EGFLAM: variants seen among roughly 807,000 people sequenced by gnomAD.
EGFLAM encodes EGF like, fibronectin type III and laminin G domains.
A neutral mutation model predicts 113.1 loss-of-function variants in EGFLAM; 79 were observed. The observed-to-expected ratio is 0.70, with a 90% CI of 0.58 to 0.84. The LOEUF is 0.84. Ranked by LOEUF, EGFLAM falls within the 40% of genes least tolerant of loss-of-function variation. The pLI, the probability that EGFLAM is intolerant of heterozygous loss-of-function variation, is 0.00. For missense variants in EGFLAM, 1,265 were observed against 1,291.6 expected, an observed-to-expected ratio of 0.98 and a Z score of 0.32; for synonymous variants, 504 against 487.6, an observed-to-expected ratio of 1.03 and a Z score of -0.44.
chr5:38,271,266 A>G (rs1469814014), intron 1 of EGFLAM, among the ~76,000 whole-genome samples: 1 of 152,166 alleles, frequency 6.6e-6, no homozygotes, highest in Non-Finnish European at 1.5e-5. Context: ...TTCTTTAGCT[A>G]CTTTTTTACT....
At chr5:38,376,619 T>C (rs1466777899) in intron 6 of EGFLAM, among the ~76,000 whole-genome samples, 1 of 152,196 alleles carries the variant, frequency 6.6e-6, no homozygotes, top group Non-Finnish European at 1.5e-5. Flanking sequence ...CTCAGATCTT[T>C]CTATGATCAT....
chr5:38,340,030 A>T (rs1316001247), intron 3 of EGFLAM, among the ~76,000 whole-genome samples: 33 of 152,168 alleles, frequency 2.2e-4, no homozygotes. Context: ...GGTGTCCTGC[A>T]GGGCTCACTG....
chr5:38,307,465 A>G (rs1758751966), intron 1 of EGFLAM, among the ~76,000 whole-genome samples: 1 of 152,300 alleles, frequency 6.6e-6, no homozygotes, highest in Non-Finnish European at 1.5e-5. Flanking sequence ...TCCTGCCACC[A>G]TGTGAAGAAG....
chr5:38,336,642 A>G (rs376328946), intron 1 of EGFLAM, among the ~76,000 whole-genome samples: 13 of 150,876 alleles, frequency 8.6e-5, no homozygotes, highest in African/African-American at 3.2e-4. Flanking sequence ...AAATCCAAAA[A>G]TCTGAAACCC....
At chr5:38,448,545 A>G in intron 18 of EGFLAM, 166 bp downstream of exon 18, 1 of 677,602 alleles carries the variant, frequency 1.5e-6, no homozygotes, top group East Asian at 2.7e-5. Flanking sequence ...AAACATAGAA[A>G]CTAGAGCAAA....
intron 5 of EGFLAM, among the ~76,000 whole-genome samples, chr5:38,364,401 G>T (rs1740006074): frequency 6.6e-6 from 1 of 152,168 alleles, no homozygotes; most frequent in Non-Finnish European, 1.5e-5. Flanking sequence ...GGCAAAAGGG[G>T]AGGGAGGAAG....
At chr5:38,448,200 C>T in intron 17 of EGFLAM, 101 bp from the exon 18 acceptor site, 2 of 1,259,608 alleles carry the variant, frequency 1.6e-6, no homozygotes, top group Non-Finnish European at 2.3e-6. Flanking sequence ...AATTGTTAAA[C>T]ATCCTATTTC....
At chr5:38,342,010 A>C (rs1331787635) in intron 3 of EGFLAM, among the ~76,000 whole-genome samples, 1 of 152,104 alleles carries the variant, frequency 6.6e-6, no homozygotes, top group East Asian at 1.9e-4. Context: ...TGTTTTAGAA[A>C]AGTTAAACCC....
At chr5:38,294,223 G>T (rs56856978) in intron 1 of EGFLAM, among the ~76,000 whole-genome samples, 26,388 of 152,002 alleles carry the variant, frequency 0.17, 2,601 homozygotes, top group Middle Eastern at 0.27. Flanking sequence ...GGCCAAGGGG[G>T]CATCAGTTTC....
chr5:38,307,898 G>A (rs1416025457), intron 1 of EGFLAM, among the ~76,000 whole-genome samples: 5 of 152,166 alleles, frequency 3.3e-5, no homozygotes, highest in East Asian at 1.9e-4. Flanking sequence ...CAGCCTGAGG[G>A]GTGGGCATGG....
In EGFLAM at chr5:38,406,195, A is replaced by G. The variant is rs758048079; in HGVS notation, c.782A>G (p.Asp261Gly). Residue 261 changes from aspartate (D) to glycine (G), a missense_variant, in exon 7 of 22, where the codon GAT becomes GGT. By Grantham distance (94) the Asp-to-Gly change is moderately conservative. Transcript: ENST00000322350. ...YITDMGAGEDDEGFEDDLDLD... is the reference protein window; with the variant it reads ...YITDMGAGEDGEGFEDDLDLD... The stretch of plus-strand genomic sequence containing the variant: ...ACCGACATGGGAGCTGGTGAGGATG[A>G]TGAAGGATTTGAAGACGACTTAGAT... 4 of 1,614,038 alleles carry G rather than the reference A, an allele frequency of 2.5e-6. No homozygotes were observed. The highest frequency in any genetic ancestry group is 2.2e-5 in the East Asian group (1 of 44,896).
intron 1 of EGFLAM, among the ~76,000 whole-genome samples, chr5:38,263,332 C>T (rs1240439491): frequency 6.6e-6 from 1 of 152,054 alleles, no homozygotes; most frequent in Non-Finnish European, 1.5e-5. Flanking sequence ...CTTGGTGGCG[C>T]GTGCCTGTAG....
At chr5:38,421,835 G>A (rs960448827) in intron 12 of EGFLAM, among the ~76,000 whole-genome samples, 1 of 152,150 alleles carries the variant, frequency 6.6e-6, no homozygotes, top group Non-Finnish European at 1.5e-5. Flanking sequence ...ATTCCAGGCA[G>A]AGGGAAGGGC....
intron 3 of EGFLAM, among the ~76,000 whole-genome samples, chr5:38,343,705 A>G (rs998467418): frequency 9.9e-5 from 15 of 152,218 alleles, no homozygotes; most frequent in Admixed American, 8.5e-4. Context: ...CTTGGAAGAT[A>G]GCACTTTTCT....
chr5:38,438,207 G>A lies in EGFLAM; in HGVS notation c.2284-68G>A, dbSNP rs1156969025. On this transcript the variant is annotated intron_variant, in intron 16 of 21. Coordinates refer to ENST00000322350, the MANE Select transcript of EGFLAM (RefSeq NM_152403.4). Reference sequence around the variant, plus strand: ...TGTGTAGCTCAGGTTAATTTGCCAAGGGAAGCTTTAGAAGACTACAAAGAT... The same window carrying A: ...TGTGTAGCTCAGGTTAATTTGCCAAAGGAAGCTTTAGAAGACTACAAAGAT... The A allele has an allele frequency of 1.5e-5, 22 of 1,516,840 alleles. No homozygotes were observed. The South Asian group carries it at 1.8e-4, about 12-fold the overall frequency. 94.0% of individuals were successfully genotyped at this position (1,516,840 alleles called of 1,614,324 possible).
chr5:38,457,367 G>A (rs1743122527), intron 19 of EGFLAM, among the ~76,000 whole-genome samples: 1 of 152,180 alleles, frequency 6.6e-6, no homozygotes, highest in African/African-American at 2.4e-5. Flanking sequence ...CAGTGCAAGG[G>A]TTGGCTTCTT....
chr5:38,313,099 A>T (rs1024470892), intron 1 of EGFLAM, among the ~76,000 whole-genome samples: 25 of 152,200 alleles, frequency 1.6e-4, no homozygotes, highest in African/African-American at 5.3e-4. Context: ...CTCAAAAAAA[A>T]TAAAATAAAA....
At chr5:38,307,032 G>A (rs1310942869) in intron 1 of EGFLAM, among the ~76,000 whole-genome samples, 2 of 152,174 alleles carry the variant, frequency 1.3e-5, no homozygotes, top group African/African-American at 4.8e-5. Context: ...CCCAGTGTGG[G>A]TAAGTCATCT....
chr5:38,304,937 G>A (rs1396120740), intron 1 of EGFLAM, among the ~76,000 whole-genome samples: 1 of 152,004 alleles, frequency 6.6e-6, no homozygotes, highest in Non-Finnish European at 1.5e-5. Flanking sequence ...AAAGAGCCTT[G>A]GGATTTTAAT....
Sources: allele counts gnomAD v4.1 joint callset (sites outside exome capture counted in the v4.1 genomes callset), GRCh38; gene constraint gnomAD v4.1.1; transcripts MANE v1.5; gene names NCBI Gene and HGNC (gene_info 2026-07-23, HGNC 2026-07-21).